The following LMNB1 variants were observed in gnomAD, a reference collection of about 807,000 sequenced individuals.
The protein encoded by LMNB1 is lamin B1.
In LMNB1, 23 loss-of-function variants were observed where a neutral mutation model predicts 67.1. The ratio of observed to expected loss-of-function variants is 0.34; its 90% CI spans 0.25 to 0.49. LMNB1 has a LOEUF of 0.49. Ranked by LOEUF, LMNB1 falls within the 20% of genes least tolerant of loss-of-function variation. LMNB1 has a pLI of 0.99. For synonymous variants in LMNB1, 281 were observed against 282.9 expected, an observed-to-expected ratio of 0.99 and a Z score of 0.07; for missense variants, 634 against 746.5, an observed-to-expected ratio of 0.85 and a Z score of 1.76.
In LMNB1 at chr5:126,777,360, G is replaced by A. The variant is rs548669476; in HGVS notation, c.-149G>A. The A allele has an allele frequency of 4.5e-5, 41 of 909,822 alleles. 1 individual carries two copies. The African/African-American group carries it at 7.1e-4, about 16-fold the overall frequency. The allele number at this position is 909,822 out of a possible 1,614,324, so 56.4% of individuals were successfully genotyped here. A position where few individuals can be genotyped will look rare whatever the true frequency, so the allele number is the denominator to read the frequency against. ...CTGTAATCGAGCTCCCGCCATCCCA[G>A]GTGCTTCTCCGTTCCTCTAAACGCC... On this transcript the variant is annotated 5_prime_UTR_variant, in exon 1 of 11. Coordinates refer to ENST00000261366, the MANE Select transcript of LMNB1 (RefSeq NM_005573.4).
chr5:126,780,079 C>G (rs1750587486), intron 1 of LMNB1, among the ~76,000 whole-genome samples: 1 of 151,942 alleles, frequency 6.6e-6, no homozygotes, highest in South Asian at 2.1e-4. Context: ...GTAATCCCAG[C>G]TACTGGGGAG....
intron 8 of LMNB1, among the ~76,000 whole-genome samples, chr5:126,825,341 A>G (rs774217735): frequency 6.6e-6 from 1 of 152,244 alleles, no homozygotes; most frequent in Non-Finnish European, 1.5e-5. Context: ...TTTCCCTTGA[A>G]CAGCGAGTGA....
chr5:126,817,733 G>A (rs1486350164), intron 5 of LMNB1, among the ~76,000 whole-genome samples: 1 of 152,190 alleles, frequency 6.6e-6, no homozygotes, highest in East Asian at 1.9e-4. Context: ...ACCAGCAAGA[G>A]TACAGTTTTT....
At chr5:126,779,291 C>T (rs1750563266) in intron 1 of LMNB1, among the ~76,000 whole-genome samples, 2 of 152,250 alleles carry the variant, frequency 1.3e-5, no homozygotes, top group Non-Finnish European at 2.9e-5. Flanking sequence ...CGGAGGCAAT[C>T]ACATTTATCC....
intron 8 of LMNB1, among the ~76,000 whole-genome samples, chr5:126,824,268 T>C (rs1039110681): frequency 6.6e-6 from 1 of 152,244 alleles, no homozygotes; most frequent in Non-Finnish European, 1.5e-5. Context: ...AATTTTCTTA[T>C]AGCCGCATTA....
chr5:126,805,280 G>A lies in LMNB1; in HGVS notation c.517-291G>A, dbSNP rs369653859. ...GCTCTCCACACAGGAAAAAATGAAAGTGGTTAGCTAAAATAACTAGTTTGA... is the reference window on the plus strand; with the variant it reads ...GCTCTCCACACAGGAAAAAATGAAAATGGTTAGCTAAAATAACTAGTTTGA... On this transcript the variant is annotated intron_variant, in intron 2 of 10. Coordinates refer to ENST00000261366, the MANE Select transcript of LMNB1 (RefSeq NM_005573.4). Among the ~76,000 whole-genome samples the A allele has an allele frequency of 4.8e-4, 73 of 152,262 alleles. 1 individual carries two copies. The highest frequency in any genetic ancestry group is 1.7e-3 in the African/African-American group (72 of 41,564).
At chr5:126,800,973 A>AATTT (rs1561742498) in intron 1 of LMNB1, among the ~76,000 whole-genome samples, 1 of 60,812 alleles carries the variant, frequency 1.6e-5, no homozygotes, top group African/African-American at 5.9e-5. Context: ...ATATATATAT[A>AATTT]TATATATAAT....
intron 1 of LMNB1, among the ~76,000 whole-genome samples, chr5:126,789,335 T>C (rs17598428): frequency 0.079 from 12,073 of 152,234 alleles, 565 homozygotes; most frequent in Non-Finnish European, 0.11. Context: ...TAAAACATTT[T>C]AGTAGCTTCT....
chr5:126,803,609 C>T (rs7447810), intron 1 of LMNB1, among the ~76,000 whole-genome samples: 12,733 of 151,462 alleles, frequency 0.084, 571 homozygotes, highest in Middle Eastern at 0.21. Context: ...TGCAGTGGTG[C>T]GGTCTCGGCT....
At position 126,836,960 on chromosome 5, in the gene LMNB1, G is replaced by A; in HGVS notation, c.*696G>A. The A allele has an allele frequency of 2.5e-6, 1 of 398,188 alleles. No homozygotes were observed. 24.7% of individuals were successfully genotyped at this position (398,188 alleles called of 1,614,324 possible). A position where few individuals can be genotyped will look rare whatever the true frequency, so the allele number is the denominator to read the frequency against. On this transcript the variant is annotated 3_prime_UTR_variant, in exon 11 of 11. Coordinates refer to ENST00000261366, the MANE Select transcript of LMNB1 (RefSeq NM_005573.4). Reference sequence around the variant, plus strand: ...TGCATTCGTTGTGTTTTTTAAGATAGTGTAACTTGCTTAAATTTCTTATGT... The same window carrying A: ...TGCATTCGTTGTGTTTTTTAAGATAATGTAACTTGCTTAAATTTCTTATGT...
At position 126,786,353 on chromosome 5, in the gene LMNB1, C is replaced by A. The variant is rs113622856; in HGVS notation, c.359+8486C>A. On this transcript the variant is annotated intron_variant, in intron 1 of 10. Coordinates refer to ENST00000261366, the MANE Select transcript of LMNB1 (RefSeq NM_005573.4). ...AGCCAGGATGGTCTCGATCTCCTGA[C>A]CTCGTGATCCTCCTGCCTTGGCCTC... is the stretch of plus-strand genomic sequence containing the variant. Among the ~76,000 whole-genome samples, 830 of 152,138 alleles carry A rather than the reference C, an allele frequency of 5.5e-3. 13 individuals are homozygous for A. Among genetic ancestry groups the A allele is most frequent in the African/African-American group, 0.019 (796 of 41,518 alleles).
intron 1 of LMNB1, among the ~76,000 whole-genome samples, chr5:126,793,670 T>A (rs1751021716): frequency 6.6e-6 from 1 of 152,036 alleles, no homozygotes; most frequent in Non-Finnish European, 1.5e-5. Flanking sequence ...AGGTCAGGGG[T>A]TCGAGACCAG....
chr5:126,791,583 G>A (rs543743872), intron 1 of LMNB1, among the ~76,000 whole-genome samples: 1 of 149,952 alleles, frequency 6.7e-6, no homozygotes, highest in Non-Finnish European at 1.5e-5. Flanking sequence ...TTAGCCTCTG[G>A]AGTAGTTGGG....
chr5:126,807,795 ATCT>A (rs1751483132), intron 3 of LMNB1, among the ~76,000 whole-genome samples: 2 of 152,130 alleles, frequency 1.3e-5, no homozygotes, highest in Non-Finnish European at 2.9e-5. Flanking sequence ...AGTGCATAGC[ATCT>A]TTGAATTTTT....
intron 1 of LMNB1, among the ~76,000 whole-genome samples, chr5:126,781,153 G>A (rs1035089958): frequency 2.6e-5 from 4 of 152,256 alleles, no homozygotes; most frequent in Admixed American, 1.3e-4. Flanking sequence ...GCCGCGTGTG[G>A]TAGTGGACGC....
intron 5 of LMNB1, among the ~76,000 whole-genome samples, chr5:126,812,444 G>A (rs534314726): frequency 6.6e-6 from 1 of 152,320 alleles, no homozygotes; most frequent in Non-Finnish European, 1.5e-5. Context: ...GTGACAAATG[G>A]CATTATTGCC....
At chr5:126,823,203 A>G (rs1427476368) in intron 8 of LMNB1, among the ~76,000 whole-genome samples, 1 of 152,236 alleles carries the variant, frequency 6.6e-6, no homozygotes, top group Non-Finnish European at 1.5e-5. Context: ...TAGCATTAAC[A>G]TATGCCTAAA....
At chr5:126,778,360 C>T (rs1750532910) in intron 1 of LMNB1, among the ~76,000 whole-genome samples, 1 of 152,212 alleles carries the variant, frequency 6.6e-6, no homozygotes, top group Non-Finnish European at 1.5e-5. Flanking sequence ...AATGAATGAG[C>T]TTCGCGCGGG....
rs78350401 is a variant in LMNB1 at position 126,789,416 on chromosome 5, G to T, written c.359+11549G>T. 3.1e-3 allele frequency among the ~76,000 whole-genome samples: 472 copies of T among 152,186 alleles called. 2 individuals are homozygous for T. The highest frequency in any genetic ancestry group is 0.011 in the African/African-American group (447 of 41,532). On this transcript the variant is annotated intron_variant, in intron 1 of 10. Coordinates refer to ENST00000261366, the MANE Select transcript of LMNB1 (RefSeq NM_005573.4). ...TTGGCATCCAAATTGGGATACTTTT[G>T]TGTATGAAAGAGGGAGCTGTTAATA...
Sources: allele counts gnomAD v4.1 joint callset (sites outside exome capture counted in the v4.1 genomes callset), GRCh38; gene constraint gnomAD v4.1.1; transcripts MANE v1.5; gene names NCBI Gene and HGNC (gene_info 2026-07-23, HGNC 2026-07-21).